Variants in SNX24 observed in about 807,000 individuals in gnomAD.
SNX24 encodes the protein sorting nexin-24.
A neutral mutation model predicts 28.7 loss-of-function variants in SNX24; 22 were observed. The ratio of observed to expected loss-of-function variants is 0.77; its 90% CI spans 0.55 to 1.10. SNX24 has a LOEUF of 1.10. Ranked by LOEUF, SNX24 falls within the 50% of genes least tolerant of loss-of-function variation. The pLI is 0.00. For synonymous variants in SNX24, 69 were observed against 71.5 expected, an observed-to-expected ratio of 0.96 and a Z score of 0.18; for missense variants, 221 against 201.1, an observed-to-expected ratio of 1.10 and a Z score of -0.60.
intron 1 of SNX24, among the ~76,000 whole-genome samples, chr5:122,904,643 T>C (rs1757573132): frequency 6.6e-6 from 1 of 152,228 alleles, no homozygotes; most frequent in Non-Finnish European, 1.5e-5. Context: ...TTTTCTGTAT[T>C]TTATAGACTC....
At chr5:122,943,755 G>C (rs572744018) in intron 2 of SNX24, among the ~76,000 whole-genome samples, 4 of 152,290 alleles carry the variant, frequency 2.6e-5, no homozygotes, top group Admixed American at 6.5e-5. Context: ...TGGAGTGACT[G>C]TCCTGACATA....
intron 1 of SNX24, among the ~76,000 whole-genome samples, chr5:122,931,901 G>A (rs1325476517): frequency 6.6e-6 from 1 of 151,670 alleles, no homozygotes; most frequent in Non-Finnish European, 1.5e-5. Flanking sequence ...GAAAGAGAGA[G>A]ACCATTCAAC....
intron 3 of SNX24, among the ~76,000 whole-genome samples, chr5:122,992,865 A>T (rs771532254): frequency 9.9e-5 from 15 of 152,210 alleles, no homozygotes; most frequent in Non-Finnish European, 1.8e-4. Flanking sequence ...ACAGAATGTA[A>T]GCTTTGATAT....
chr5:122,871,018 G>T (rs1023746691), intron 1 of SNX24, among the ~76,000 whole-genome samples: 1 of 152,156 alleles, frequency 6.6e-6, no homozygotes, highest in Non-Finnish European at 1.5e-5. Flanking sequence ...ATGGTCTTGG[G>T]GTATGGATTG....
intron 1 of SNX24, among the ~76,000 whole-genome samples, chr5:122,917,935 C>T (rs1758252395): frequency 6.6e-6 from 1 of 151,992 alleles, no homozygotes; most frequent in Admixed American, 6.6e-5. Context: ...AAAAAATTAG[C>T]CGGGCATGGT....
At chr5:122,968,889 A>G (rs376929382) in intron 3 of SNX24, among the ~76,000 whole-genome samples, 7 of 152,104 alleles carry the variant, frequency 4.6e-5, no homozygotes, top group East Asian at 1.9e-4. Context: ...TTTATACGGT[A>G]TCTAGTTGGC....
At chr5:123,027,510 G>A (rs1762878410) in intron 5 of SNX24, among the ~76,000 whole-genome samples, 1 of 152,140 alleles carries the variant, frequency 6.6e-6, no homozygotes, top group African/African-American at 2.4e-5. Context: ...AGCGCTGCAG[G>A]GTTTTCCAAT....
chr5:122,943,959 C>G (rs184749981), intron 2 of SNX24, among the ~76,000 whole-genome samples: 1 of 152,320 alleles, frequency 6.6e-6, no homozygotes, highest in Non-Finnish European at 1.5e-5. Context: ...TACCCAACTA[C>G]CTACCCAGCA....
rs564874917 is a variant in SNX24, at chr5:122,894,197, A to T, written c.61-42537A>T. Among the ~76,000 whole-genome samples the T allele has an allele frequency of 4.6e-5, 7 of 152,264 alleles. No homozygotes were observed. In the East Asian group the frequency reaches 1.4e-3, roughly 29 times the overall value. ...TTATTTGGTTTAAAACTATATAAAG[A>T]TATTTTTGGAAAAGTCTTGGTCCCT... is the stretch of plus-strand genomic sequence containing the variant. On this transcript the variant is annotated intron_variant, in intron 1 of 6. Coordinates refer to ENST00000261369, the MANE Select transcript of SNX24 (RefSeq NM_014035.4).
chr5:122,954,333 T>G (rs1229423314), intron 3 of SNX24, among the ~76,000 whole-genome samples: 1 of 152,076 alleles, frequency 6.6e-6, no homozygotes, highest in African/African-American at 2.4e-5. Context: ...GAAAGCATTC[T>G]GTTTAAATGT....
chr5:122,929,137 G>A (rs1048955847), intron 1 of SNX24, among the ~76,000 whole-genome samples: 1 of 152,048 alleles, frequency 6.6e-6, no homozygotes, highest in African/African-American at 2.4e-5. Context: ...GAAGAAGAGT[G>A]GAGTTAGCTT....
At chr5:122,889,709 GTA>G (rs559518023) in intron 1 of SNX24, among the ~76,000 whole-genome samples, 82 of 110,128 alleles carry the variant, frequency 7.4e-4, no homozygotes, top group Non-Finnish European at 1.0e-3. Flanking sequence ...GTATATATAT[GTA>G]TATATATATG....
chr5:122,905,971 G>A (rs1757629819), intron 1 of SNX24, among the ~76,000 whole-genome samples: 1 of 152,156 alleles, frequency 6.6e-6, no homozygotes, highest in South Asian at 2.1e-4. Flanking sequence ...ATAGACACTG[G>A]AGACAGAATA....
chr5:122,930,757 T>A (rs1758916850), intron 1 of SNX24, among the ~76,000 whole-genome samples: 1 of 152,210 alleles, frequency 6.6e-6, no homozygotes, highest in Admixed American at 6.5e-5. Context: ...CTTTTTGCTA[T>A]CATGAATTTT....
chr5:122,847,445 T>TA (rs1003415974), intron 1 of SNX24, among the ~76,000 whole-genome samples: 4 of 151,410 alleles, frequency 2.6e-5, no homozygotes, highest in African/African-American at 9.7e-5. Context: ...AATATTTGCT[T>TA]AAAAAAAATC....
chr5:122,890,819 A>G (rs553709263), intron 1 of SNX24, among the ~76,000 whole-genome samples: 5 of 152,296 alleles, frequency 3.3e-5, no homozygotes, highest in East Asian at 1.9e-4. Flanking sequence ...TTGACAATGA[A>G]GTACCCAATA....
At chr5:122,987,592 A>C (rs577370345) in intron 3 of SNX24, among the ~76,000 whole-genome samples, 6 of 152,322 alleles carry the variant, frequency 3.9e-5, no homozygotes, top group Admixed American at 3.9e-4. Flanking sequence ...AGCTGTCCCG[A>C]GTACAGCAGA....
At chr5:122,872,132 C>CT (rs1756008650) in intron 1 of SNX24, among the ~76,000 whole-genome samples, 3 of 149,026 alleles carry the variant, frequency 2.0e-5, no homozygotes, top group Non-Finnish European at 1.5e-5. Flanking sequence ...GAGAATTTTT[C>CT]TTTTTTTCTC....
intron 6 of SNX24, among the ~76,000 whole-genome samples, chr5:123,002,628 T>A (rs970067479): frequency 3.3e-4 from 51 of 152,254 alleles, no homozygotes; most frequent in African/African-American, 1.1e-3. Context: ...CGAGACTCCG[T>A]CTCAAAAAAA....
Sources: allele counts gnomAD v4.1 joint callset (sites outside exome capture counted in the v4.1 genomes callset), GRCh38; gene constraint gnomAD v4.1.1; transcripts MANE v1.5; gene names NCBI Gene and HGNC (gene_info 2026-07-23, HGNC 2026-07-21).